The following FILIP1 variants were observed in gnomAD, a reference collection of about 807,000 sequenced individuals.
FILIP1 encodes the protein filamin A interacting protein 1.
FILIP1 carries 61 observed loss-of-function variants against 102.1 expected under a neutral mutation model. That is an observed-to-expected ratio of 0.60 (90% confidence interval 0.49 to 0.74). The LOEUF (loss-of-function observed/expected upper bound fraction) is 0.74, where lower values mean the gene tolerates loss of function less well. FILIP1 is among the 30% of genes least tolerant of loss of function. The probability of loss-of-function intolerance (pLI) is 0.00; values close to 1 mark genes in which losing one functional copy is unlikely to be tolerated. For synonymous variants in FILIP1, 491 were observed against 526.9 expected (o/e 0.93, Z 0.93); for missense variants, 1,314 against 1,441.2 (o/e 0.91, Z 1.43).
chr6:75,462,351 A>AT lies in FILIP1; in HGVS notation c.-7+31062dup, dbSNP rs1254227211. Among the ~76,000 whole-genome samples, 4 of 152,164 alleles carry AT rather than the reference A, an allele frequency of 2.6e-5. No individual in the cohort carries two copies. In the East Asian group the frequency reaches 7.8e-4, roughly 29 times the overall value. ...AAAGCTTGACCCCTTTGTCTTCTGG[A>AT]TTGTGAGGAGGCCCAGAGAATTGCA... is the stretch of plus-strand genomic sequence containing the variant. On this transcript the variant is annotated intron_variant, in intron 1 of 5. Transcript: ENST00000237172.
chr6:75,354,431 T>A (rs1774918277), intron 3 of FILIP1, among the ~76,000 whole-genome samples: 1 of 151,800 alleles, frequency 6.6e-6, no homozygotes, highest in Non-Finnish European at 1.5e-5. Flanking sequence ...ATTAGCCGGA[T>A]GTGGTGGCAC....
At chr6:75,342,782 C>T (rs1562480919) in intron 4 of FILIP1, among the ~76,000 whole-genome samples, 1 of 152,230 alleles carries the variant, frequency 6.6e-6, no homozygotes. Flanking sequence ...TTGACCAGCC[C>T]TGCCTCAGCT....
rs1773247306 is a variant in FILIP1, at chr6:75,312,712, G to A, written c.3120C>T (p.Thr1040=). The stretch of plus-strand genomic sequence containing the variant: ...GAGTTGGAACAGTCTGTTTTTCTGG[G>A]GTGACTTTGAGGATTGTCCGTCCCA... The part of the protein sequence containing the change: ...MPMGRTILKV[T]PEKQTVPTPV... Residue 1040 remains threonine, a synonymous_variant, in exon 5 of 6, where the codon ACC becomes ACT. Coordinates refer to ENST00000237172, the MANE Select transcript of FILIP1 (RefSeq NM_015687.5). 1 of 1,614,036 alleles carries A rather than the reference G, an allele frequency of 6.2e-7. No individual in the cohort carries two copies. Among genetic ancestry groups the A allele is most frequent in the Non-Finnish European group, 8.5e-7 (1 of 1,180,030 alleles).
In FILIP1 at chr6:75,312,500, G is replaced by T; in HGVS notation, c.3332C>A (p.Ser1111Tyr). Residue 1111 changes from serine to tyrosine, a missense_variant, in exon 5 of 6, where the codon TCT becomes TAT. This residue lies in a region of FILIP1 where 816 missense variants were observed against 913.1 expected (regional missense o/e 0.89). Transcript: ENST00000237172. ...KEVSTGTVLR[S>Y]PRNHLSSRPG... ...CCGTGAGGAGAGGTGATTCCTGGGAGAGCGAAGGACAGTGCCGGTGGAAAC... is the reference window on the plus strand; with the variant it reads ...CCGTGAGGAGAGGTGATTCCTGGGATAGCGAAGGACAGTGCCGGTGGAAAC... The T allele has an allele frequency of 6.2e-7, 1 of 1,614,210 alleles. No individual in the cohort carries two copies. The highest frequency in any genetic ancestry group is 8.5e-7 in the Non-Finnish European group (1 of 1,180,050).
Position 75,314,543 on chromosome 6 carries a change from T to C in FILIP1, c.1289A>G (p.Lys430Arg). The C allele has an allele frequency of 7.4e-6, 12 of 1,614,018 alleles. No individual in the cohort carries two copies. The highest frequency in any genetic ancestry group is 1.0e-5 in the Non-Finnish European group (12 of 1,180,006). ...CAATTTCTCTAGTTCAGACATTCTC[T>C]TCTGTAGCTTCTCAACTTCAAGTCT... ...ELRLEVEKLQ[K>R]RMSELEKLEE... is the part of the protein sequence containing the mutation. The change falls in exon 5 of 6, where the codon AAG (lysine) becomes AGG (arginine). Residue 430 changes from lysine (K) to arginine (R), a missense_variant. Coordinates refer to ENST00000237172, the MANE Select transcript of FILIP1 (RefSeq NM_015687.5).
At chr6:75,472,021 C>A (rs960892560) in intron 1 of FILIP1, among the ~76,000 whole-genome samples, 16 of 152,026 alleles carry the variant, frequency 1.1e-4, no homozygotes, top group African/African-American at 3.6e-4. Flanking sequence ...CTATTACTAA[C>A]GTAATTTAAA....
intron 2 of FILIP1, among the ~76,000 whole-genome samples, chr6:75,383,055 C>A (rs1775955796): frequency 6.6e-6 from 1 of 152,146 alleles, no homozygotes; most frequent in Admixed American, 6.5e-5. Flanking sequence ...ACTCTCCATT[C>A]TGCTGGGTTT....
chr6:75,301,922 G>T (rs760838912), intron 6 of FILIP1, among the ~76,000 whole-genome samples: 1 of 152,124 alleles, frequency 6.6e-6, no homozygotes, highest in African/African-American at 2.4e-5. Context: ...TTTTGGTGGT[G>T]TTTGGTCCTT....
At position 75,412,779 on chromosome 6, in the gene FILIP1, G is replaced by A. The variant is rs552412113; in HGVS notation, c.276+1918C>T. ...TATATATGGACTTGTATATGTGTGT[G>A]TGCATATATATATGGAATAGATTAT... is the stretch of plus-strand genomic sequence containing the variant. On this transcript the variant is annotated intron_variant, in intron 2 of 5. Transcript: ENST00000237172. 1.2e-4 allele frequency among the ~76,000 whole-genome samples: 18 copies of A among 152,248 alleles called. No homozygotes were observed. In the East Asian group the frequency reaches 3.3e-3, roughly 28 times the overall value.
chr6:75,449,487 GA>G (rs971073105), intron 1 of FILIP1, among the ~76,000 whole-genome samples: 7 of 151,634 alleles, frequency 4.6e-5, no homozygotes, highest in South Asian at 2.1e-4. Context: ...GTTTTAAAAA[GA>G]AAAAAAAGAT....
intron 2 of FILIP1, among the ~76,000 whole-genome samples, chr6:75,388,150 C>T (rs1776161875): frequency 1.3e-5 from 2 of 152,130 alleles, no homozygotes; most frequent in Admixed American, 6.5e-5. Flanking sequence ...ATCCTTTCCC[C>T]ATTGCTTGTT....
At chr6:75,391,095 A>C (rs963422928) in intron 2 of FILIP1, among the ~76,000 whole-genome samples, 6 of 152,116 alleles carry the variant, frequency 3.9e-5, no homozygotes, top group Admixed American at 1.3e-4. Context: ...CTAGAGCTCA[A>C]AATCCAACAG....
chr6:75,357,899 A>G (rs1775056070), intron 3 of FILIP1, among the ~76,000 whole-genome samples: 1 of 152,222 alleles, frequency 6.6e-6, no homozygotes, highest in Non-Finnish European at 1.5e-5. Flanking sequence ...TTCATTAATC[A>G]TAGATACTAT....
intron 1 of FILIP1, among the ~76,000 whole-genome samples, chr6:75,475,685 C>T (rs1779455737): frequency 6.6e-6 from 1 of 151,978 alleles, no homozygotes; most frequent in Non-Finnish European, 1.5e-5. Context: ...ATTTTATGAG[C>T]CTCACCTCAT....
chr6:75,417,567 C>G (rs771542734), intron 1 of FILIP1, among the ~76,000 whole-genome samples: 1 of 152,130 alleles, frequency 6.6e-6, no homozygotes, highest in Admixed American at 6.6e-5. Flanking sequence ...GACATTTATA[C>G]TCTTCATATT....
At chr6:75,365,889 C>T (rs2149617041) in intron 2 of FILIP1, 1 of 152,220 alleles carries the variant, frequency 6.6e-6, no homozygotes, top group African/African-American at 2.4e-5. Context: ...TTTTTATGTT[C>T]CCAATGCTGA....
intron 1 of FILIP1, among the ~76,000 whole-genome samples, chr6:75,489,796 T>C (rs1236467010): frequency 6.6e-6 from 1 of 152,102 alleles, no homozygotes; most frequent in Non-Finnish European, 1.5e-5. Flanking sequence ...TATTAGCTTA[T>C]CTTTTTTCTA....
chr6:75,369,181 G>T (rs996622934), intron 2 of FILIP1, among the ~76,000 whole-genome samples: 4 of 152,168 alleles, frequency 2.6e-5, no homozygotes, highest in African/African-American at 9.7e-5. Context: ...AAGAATCATG[G>T]TCATTTCCAG....
At chr6:75,292,859 T>TA (rs1260330300) in exon 7 of FILIP1, 1 of 152,226 alleles carries the variant, frequency 6.6e-6, no homozygotes, top group Non-Finnish European at 1.5e-5. Flanking sequence ...CATTGCCTGA[T>TA]ACACCACTTA....
Sources: allele counts gnomAD v4.1 joint callset (sites outside exome capture counted in the v4.1 genomes callset), GRCh38; gene constraint gnomAD v4.1.1; regional missense constraint gnomAD v4.1.1; transcripts MANE v1.5; gene names NCBI Gene and HGNC (gene_info 2026-07-23, HGNC 2026-07-21).